The following ADAMTS16 variants were observed in gnomAD, a reference collection of about 807,000 sequenced individuals.
ADAMTS16 encodes the protein ADAM metallopeptidase with thrombospondin type 1 motif 16.
Under a neutral mutation model 145.8 loss-of-function variants are expected in ADAMTS16, and 94 were observed. The observed-to-expected ratio is 0.64, with a 90% confidence interval of 0.55 to 0.77. The LOEUF is 0.77. Ranked by LOEUF, ADAMTS16 falls within the 30% of genes least tolerant of loss-of-function variation. ADAMTS16 has a pLI of 0.00. For synonymous variants in ADAMTS16, 659 were observed against 604.3 expected (o/e 1.09, Z -1.33); for missense variants, 1,585 against 1,591.5 (o/e 1.00, Z 0.07).
At chr5:5,173,874 T>C (rs1036459174) in intron 3 of ADAMTS16, among the ~76,000 whole-genome samples, 1 of 152,228 alleles carries the variant, frequency 6.6e-6, no homozygotes, top group African/African-American at 2.4e-5. Flanking sequence ...TTTTAACTTT[T>C]TGTTGTTTTT....
At chr5:5,309,389 A>T (rs1740321233) in intron 21 of ADAMTS16, among the ~76,000 whole-genome samples, 1 of 152,118 alleles carries the variant, frequency 6.6e-6, no homozygotes, top group Non-Finnish European at 1.5e-5. Flanking sequence ...GATTTCAGGG[A>T]TGTGCAACCC....
At chr5:5,268,681 T>TGGAC (rs1738350688) in intron 18 of ADAMTS16, among the ~76,000 whole-genome samples, 1 of 152,196 alleles carries the variant, frequency 6.6e-6, no homozygotes, top group Admixed American at 6.5e-5. Context: ...GGATCCCGAC[T>TGGAC]GGACACTATT....
At chr5:5,307,804 G>T (rs777533026) in intron 21 of ADAMTS16, among the ~76,000 whole-genome samples, 2 of 152,158 alleles carry the variant, frequency 1.3e-5, no homozygotes, top group African/African-American at 4.8e-5. Flanking sequence ...GCTCGATGGG[G>T]TCCACACGTG....
At chr5:5,286,980 A>G (rs1049509955) in intron 18 of ADAMTS16, among the ~76,000 whole-genome samples, 1 of 152,168 alleles carries the variant, frequency 6.6e-6, no homozygotes, top group Non-Finnish European at 1.5e-5. Context: ...TAAGAAAATC[A>G]GAAATAACAA....
At chr5:5,247,088 A>G (rs1274713828) in intron 17 of ADAMTS16, among the ~76,000 whole-genome samples, 3 of 152,148 alleles carry the variant, frequency 2.0e-5, no homozygotes. Context: ...CTGATTGGCT[A>G]ACATTTCTCC....
In ADAMTS16 at chr5:5,215,775, T is replaced by C. The variant is rs557646539; in HGVS notation, c.1605+6529T>C. On this transcript the variant is annotated intron_variant, in intron 10 of 22. Transcript: ENST00000274181. ...TGTATATATATGTATGTGGTATATA[T>C]ATATGGTATATATATGTGTGGTATA... Among the ~76,000 whole-genome samples the C allele has an allele frequency of 6.2e-5, 9 of 144,114 alleles. No homozygotes were observed. In the East Asian group the frequency reaches 1.0e-3, roughly 16 times the overall value. 94.5% of individuals were successfully genotyped at this position (144,114 alleles called of 152,430 possible). A position where few individuals can be genotyped will look rare whatever the true frequency, so the allele number is the denominator to read the frequency against.
chr5:5,241,594 C>T (rs1316647485), intron 16 of ADAMTS16, among the ~76,000 whole-genome samples: 1 of 152,164 alleles, frequency 6.6e-6, no homozygotes, highest in Admixed American at 6.5e-5. Context: ...TTCTGATTTG[C>T]TCAGATGCAG....
At chr5:5,279,935 T>C (rs1738838431) in intron 18 of ADAMTS16, among the ~76,000 whole-genome samples, 1 of 142,572 alleles carries the variant, frequency 7.0e-6, no homozygotes, top group South Asian at 2.3e-4. Context: ...TTTTTCTTTC[T>C]TTCTTTCTTT....
In ADAMTS16 at chr5:5,233,014, T is replaced by A. The variant is rs943854175; in HGVS notation, c.1850+498T>A. On this transcript the variant is annotated intron_variant, in intron 12 of 22. Coordinates refer to ENST00000274181, the MANE Select transcript of ADAMTS16 (RefSeq NM_139056.4). ...TACCTCTCTGTGCTATAACTTAAGA[T>A]GCTTATAACTACCTGACCACAGCAA... is the stretch of plus-strand genomic sequence containing the variant. Among the ~76,000 whole-genome samples, 12 of 136,676 alleles carry A rather than the reference T, an allele frequency of 8.8e-5. No homozygotes were observed. In the South Asian group the frequency reaches 1.4e-3, roughly 16 times the overall value. The allele number at this position is 136,676 out of a possible 152,430, so 89.7% of individuals were successfully genotyped here.
At chr5:5,141,447 T>C (rs554003034) in intron 2 of ADAMTS16, among the ~76,000 whole-genome samples, 20 of 152,318 alleles carry the variant, frequency 1.3e-4, no homozygotes, top group Non-Finnish European at 2.4e-4. Context: ...TGCTGTCTTA[T>C]GGAAAGGGAT....
intron 3 of ADAMTS16, among the ~76,000 whole-genome samples, chr5:5,170,474 G>T (rs1464819892): frequency 6.6e-6 from 1 of 152,090 alleles, no homozygotes; most frequent in Non-Finnish European, 1.5e-5. Flanking sequence ...CTCCTCCTGG[G>T]TTCAAGCGAT....
chr5:5,232,507 C>T lies in ADAMTS16; in HGVS notation c.1841C>T (p.Thr614Ile). 6.2e-7 allele frequency: 1 copy of T among 1,613,404 alleles called. No individual in the cohort carries two copies. Residue 614 changes from threonine to isoleucine, a missense_variant, in exon 12 of 23, where the codon ACC (threonine) becomes ATC (isoleucine). Around this residue, in one of 3 missense-constraint regions of ADAMTS16, gnomAD observed 834 missense variants for 811.7 expected, o/e 1.03. Coordinates refer to ENST00000274181, the MANE Select transcript of ADAMTS16 (RefSeq NM_139056.4). ...GGVSHRSRLCTNPKPSHGGKF... is the reference protein window; with the variant it reads ...GGVSHRSRLCINPKPSHGGKF... Reference sequence around the variant, plus strand: ...GTATCTCATAGGAGTCGCCTCTGCACCAACCCCAAGTAAGTATGCCTTGAC... The same window carrying T: ...GTATCTCATAGGAGTCGCCTCTGCATCAACCCCAAGTAAGTATGCCTTGAC...
intron 11 of ADAMTS16, among the ~76,000 whole-genome samples, chr5:5,225,189 A>ATG (rs1243201968): frequency 6.6e-6 from 1 of 151,910 alleles, no homozygotes; most frequent in African/African-American, 2.4e-5. Flanking sequence ...ATCTCAATGA[A>ATG]TGTAGAGGTT....
chr5:5,195,752 TG>T (rs1304633745), intron 8 of ADAMTS16, among the ~76,000 whole-genome samples: 5 of 152,222 alleles, frequency 3.3e-5, no homozygotes, highest in Non-Finnish European at 7.3e-5. Context: ...ACCCAGTCAC[TG>T]GGCACAATTT....
intron 9 of ADAMTS16, among the ~76,000 whole-genome samples, chr5:5,200,555 C>T (rs1485896673): frequency 6.6e-6 from 1 of 152,200 alleles, no homozygotes; most frequent in Non-Finnish European, 1.5e-5. Context: ...TTAAGTTTTA[C>T]AATTCTCACT....
intron 18 of ADAMTS16, among the ~76,000 whole-genome samples, chr5:5,278,008 G>T (rs1738768277): frequency 6.6e-6 from 1 of 152,090 alleles, no homozygotes; most frequent in Non-Finnish European, 1.5e-5. Flanking sequence ...AGACTAAAGA[G>T]AAGTAAAGAG....
intron 17 of ADAMTS16, among the ~76,000 whole-genome samples, chr5:5,260,340 C>T (rs535889236): frequency 5.9e-5 from 9 of 151,868 alleles, no homozygotes; most frequent in Admixed American, 3.9e-4. Context: ...TAGAAATATT[C>T]TTCTTCAAGA....
chr5:5,270,468 C>T (rs1738424516), intron 18 of ADAMTS16, among the ~76,000 whole-genome samples: 1 of 152,174 alleles, frequency 6.6e-6, no homozygotes, highest in South Asian at 2.1e-4. Flanking sequence ...GAGGATTCCA[C>T]GTAAATGCTC....
At chr5:5,305,215 C>T (rs1442316700) in intron 20 of ADAMTS16, among the ~76,000 whole-genome samples, 1 of 98,972 alleles carries the variant, frequency 1.0e-5, no homozygotes. Context: ...ATCCACACCA[C>T]ACACACACAT....
Sources: gnomAD v4.1 joint callset for allele counts (sites outside exome capture counted in the v4.1 genomes callset) on GRCh38, gnomAD v4.1.1 for gene constraint, gnomAD v4.1.1 regional missense constraint, MANE v1.5 for transcripts, NCBI Gene and HGNC (gene_info 2026-07-23, HGNC 2026-07-21) for gene names.